COP1: variants seen among roughly 807,000 people sequenced by gnomAD.
COP1 encodes the protein COP1 E3 ubiquitin ligase.
COP1 carries 24 observed loss-of-function variants against 101.3 expected under a neutral mutation model. The ratio of observed to expected loss-of-function variants is 0.24; its 90% CI spans 0.17 to 0.33. The LOEUF is 0.33. Among genes scored for constraint, COP1 ranks in the 10% least tolerant of loss-of-function variants. The pLI is 1.00. For synonymous variants in COP1, 347 were observed against 341.9 expected (o/e 1.01, Z -0.17); for missense variants, 663 against 906.2 (o/e 0.73, Z 3.45).
intron 10 of COP1, among the ~76,000 whole-genome samples, chr1:176,083,770 A>T (rs2149411063): frequency 6.6e-6 from 1 of 152,356 alleles, no homozygotes; most frequent in South Asian, 2.1e-4. Context: ...CCTCTTAGGT[A>T]CACCGTTTCA....
intron 19 of COP1, among the ~76,000 whole-genome samples, chr1:175,945,640 C>A (rs537645883): frequency 6.6e-6 from 1 of 152,182 alleles, no homozygotes; most frequent in African/African-American, 2.4e-5. Flanking sequence ...AATCATCTAG[C>A]GTCCAGATAC....
At position 176,030,137 on chromosome 1, in the gene COP1, G is replaced by C. The variant is rs1422046743; in HGVS notation, c.1613-2449C>G. On this transcript the variant is annotated intron_variant, in intron 14 of 19. Coordinates refer to ENST00000367669, the MANE Select transcript of COP1 (RefSeq NM_022457.7). Reference sequence around the variant, plus strand: ...TGGCTAATATATTTTTTTTAAAGTAGAGATGGAGTAAGATTTTTAAATAGC... The same window carrying C: ...TGGCTAATATATTTTTTTTAAAGTACAGATGGAGTAAGATTTTTAAATAGC... Among the ~76,000 whole-genome samples, 7 of 152,066 alleles carry C rather than the reference G, an allele frequency of 4.6e-5. No individual in the cohort carries two copies. In the South Asian group the frequency reaches 1.2e-3, roughly 27 times the overall value.
Position 176,206,805 on chromosome 1 carries a change from C to A in COP1, c.174G>T (p.Ser58=). Residue 58 remains serine, a synonymous_variant, in exon 1 of 20, where the codon TCG becomes TCT. Coordinates refer to ENST00000367669, the MANE Select transcript of COP1 (RefSeq NM_022457.7). ...GCCGCACCGGGCCCCCGAGGCCGCC[C>A]GAGCCGGCGGCCTGGGCCACCCCGC... is the stretch of plus-strand genomic sequence containing the variant. The part of the protein sequence containing the change: ...VSGGVAQAAG[S]GGLGGPVRPV... The A allele has an allele frequency of 1.4e-6, 2 of 1,383,274 alleles. No homozygotes were observed. The highest frequency in any genetic ancestry group is 9.3e-7 in the Non-Finnish European group (1 of 1,079,544). The allele number at this position is 1,383,274 out of a possible 1,614,324, so 85.7% of individuals were successfully genotyped here. A position where few individuals can be genotyped will look rare whatever the true frequency, so the allele number is the denominator to read the frequency against.
intron 10 of COP1, among the ~76,000 whole-genome samples, chr1:176,083,383 T>C (rs961638310): frequency 2.6e-5 from 4 of 152,340 alleles, no homozygotes; most frequent in Middle Eastern, 3.4e-3. Flanking sequence ...AGCTCATTAA[T>C]AGCTACTTTC....
At chr1:176,203,923 T>C (rs1419960028) in intron 1 of COP1, among the ~76,000 whole-genome samples, 1 of 152,124 alleles carries the variant, frequency 6.6e-6, no homozygotes, top group Non-Finnish European at 1.5e-5. Context: ...CATATGCAAA[T>C]TACACCACCC....
chr1:176,075,631 A>G (rs1677849035), intron 11 of COP1, among the ~76,000 whole-genome samples: 1 of 152,148 alleles, frequency 6.6e-6, no homozygotes, highest in Admixed American at 6.5e-5. Flanking sequence ...TTAAGCATAT[A>G]CACACCCAAC....
chr1:175,971,972 C>T (rs958338581), intron 18 of COP1, among the ~76,000 whole-genome samples: 54 of 152,214 alleles, frequency 3.5e-4, no homozygotes, highest in Admixed American at 2.6e-4. Flanking sequence ...AATAGGTTTG[C>T]GGCAGCGACT....
chr1:176,148,298 A>G (rs571554086), intron 6 of COP1, among the ~76,000 whole-genome samples: 19 of 152,266 alleles, frequency 1.2e-4, no homozygotes, highest in South Asian at 6.2e-4. Context: ...AACATAGCAC[A>G]TAACAGACAA....
At chr1:176,073,423 AGTT>A (rs1677367524) in intron 11 of COP1, among the ~76,000 whole-genome samples, 1 of 152,226 alleles carries the variant, frequency 6.6e-6, no homozygotes, top group Non-Finnish European at 1.5e-5. Context: ...ATAACAATCT[AGTT>A]GTACAAAATT....
rs1271141729 is a variant in COP1 at position 175,989,413 on chromosome 1, C to T, written c.1796G>A (p.Arg599His). 1.9e-6 allele frequency: 3 copies of T among 1,609,624 alleles called. No homozygotes were observed. Among genetic ancestry groups the T allele is most frequent in the African/African-American group, 1.3e-5 (1 of 74,828 alleles). Reference protein sequence around the residue: ...KQPIMVFKGHRKAVSYAKFVS... With the variant: ...KQPIMVFKGHHKAVSYAKFVS... ...AAACTTTGCATAAGAGACTGCTTTA[C>T]GGTGTCCTTTGAATACCATGATTGG... Residue 599 changes from arginine (R) to histidine (H), a missense_variant, in exon 16 of 20, where the codon CGT (arginine) becomes CAT (histidine). Physicochemically the swap from Arg to His is conservative, Grantham distance 29 (BLOSUM62 0). Transcript: ENST00000367669.
intron 15 of COP1, among the ~76,000 whole-genome samples, chr1:175,996,073 G>C (rs1469937547): frequency 6.6e-6 from 1 of 152,082 alleles, no homozygotes; most frequent in Non-Finnish European, 1.5e-5. Flanking sequence ...TTCATCCCTG[G>C]GATGCAAGGC....
chr1:176,173,919 G>A (rs1052176591), intron 3 of COP1, among the ~76,000 whole-genome samples: 20 of 143,444 alleles, frequency 1.4e-4, no homozygotes, highest in African/African-American at 5.1e-4. Context: ...CCTGGGAGGC[G>A]GAGGCTGCAG....
At chr1:176,194,512 C>A (rs918431310) in intron 1 of COP1, among the ~76,000 whole-genome samples, 1 of 152,060 alleles carries the variant, frequency 6.6e-6, no homozygotes, top group Non-Finnish European at 1.5e-5. Context: ...GTGGCATGAG[C>A]CTATAATCCC....
chr1:176,192,359 C>T (rs1699198866), intron 1 of COP1, among the ~76,000 whole-genome samples: 1 of 151,984 alleles, frequency 6.6e-6, no homozygotes, highest in Non-Finnish European at 1.5e-5. Flanking sequence ...CATAGTAAAC[C>T]ACAAGTAACA....
At chr1:176,187,357 C>CATATATACACACTATATACACAT in intron 1 of COP1, among the ~76,000 whole-genome samples, 2 of 151,384 alleles carry the variant, frequency 1.3e-5, no homozygotes, top group South Asian at 4.2e-4. Context: ...TATATATACA[C>CATATATACACACTATATACACAT]ATATATACAC....
chr1:176,172,157 C>T (rs2101875875), intron 3 of COP1, among the ~76,000 whole-genome samples: 1 of 152,244 alleles, frequency 6.6e-6, no homozygotes, highest in East Asian at 1.9e-4. Flanking sequence ...TCACATGATC[C>T]TCTCACCTCA....
In COP1 at chr1:176,050,957, G is replaced by T. The variant is rs559161261; in HGVS notation, c.1278-4633C>A. Among the ~76,000 whole-genome samples, 5 of 151,926 alleles carry T rather than the reference G, an allele frequency of 3.3e-5. No homozygotes were observed. In the South Asian group the frequency reaches 1.0e-3, roughly 32 times the overall value. On this transcript the variant is annotated intron_variant, in intron 11 of 19. Coordinates refer to ENST00000367669, the MANE Select transcript of COP1 (RefSeq NM_022457.7). The stretch of plus-strand genomic sequence containing the variant: ...CTGGTCTTCAATGAACATATACACA[G>T]GCAAAATAAGAATAATAACACAGAA...
chr1:176,178,858 C>A (rs1351868162), intron 2 of COP1, among the ~76,000 whole-genome samples: 1 of 150,958 alleles, frequency 6.6e-6, no homozygotes, highest in East Asian at 2.0e-4. Flanking sequence ...CGTCCCCACC[C>A]CACTCCATCC....
At chr1:175,954,405 T>C (rs1650352237) in intron 18 of COP1, among the ~76,000 whole-genome samples, 1 of 151,888 alleles carries the variant, frequency 6.6e-6, no homozygotes, top group African/African-American at 2.4e-5. Flanking sequence ...AGTACAAGAA[T>C]GACAGTCATG....
Sources: allele counts gnomAD v4.1 joint callset (sites outside exome capture counted in the v4.1 genomes callset), GRCh38; gene constraint gnomAD v4.1.1; transcripts MANE v1.5; gene names NCBI Gene and HGNC (gene_info 2026-07-23, HGNC 2026-07-21).